Variants in GORASP1 observed in about 807,000 individuals in gnomAD.
The protein encoded by GORASP1 is Golgi reassembly-stacking protein 1.
In GORASP1, 31 loss-of-function variants were observed where a neutral mutation model predicts 37.7. The ratio of observed to expected loss-of-function variants is 0.82; its 90% CI spans 0.62 to 1.11. The LOEUF (loss-of-function observed/expected upper bound fraction) is 1.11. Ranked by LOEUF, GORASP1 falls within the 50% of genes least tolerant of loss-of-function variation. GORASP1 has a pLI of 0.00. For synonymous variants in GORASP1, 204 were observed against 224.8 expected, an observed-to-expected ratio of 0.91 and a Z score of 0.83; for missense variants, 476 against 560.7, an observed-to-expected ratio of 0.85 and a Z score of 1.53.
chr3:39,099,266 C>T (rs1404733950), intron 7 of GORASP1, 87 bp downstream of exon 7: 1 of 1,451,798 alleles, frequency 6.9e-7, no homozygotes, highest in Non-Finnish European at 9.7e-7. Flanking sequence ...TATGAGGGGT[C>T]AGCAAGGCCT....
Position 39,102,958 on chromosome 3 carries a change from T to G in GORASP1, c.145-77A>C. ...CCCTCAGACAAGTCTGGGCCTGAGA[T>G]GGGGCAAGGGCCTTAGTGGGCAGCA... On this transcript the variant is annotated intron_variant, in intron 2 of 8. Transcript: ENST00000319283. The surrounding 1 kb of genome is among the most constrained non-coding windows in gnomAD (Gnocchi z 5.0). The G allele has an allele frequency of 7.3e-7, 1 of 1,373,414 alleles. No individual in the cohort carries two copies. Among genetic ancestry groups the G allele is most frequent in the Non-Finnish European group, 1.0e-6 (1 of 961,232 alleles). 85.1% of individuals were successfully genotyped at this position (1,373,414 alleles called of 1,614,324 possible).
chr3:39,100,645 G>C lies in GORASP1; in HGVS notation c.566+102C>G. Reference sequence around the variant, plus strand: ...GTCAGCCTCAGGATCCCTGGGCCCAGGGCCCAACCCTCCTCCATCTCCACC... The same window carrying C: ...GTCAGCCTCAGGATCCCTGGGCCCACGGCCCAACCCTCCTCCATCTCCACC... On this transcript the variant is annotated intron_variant, in intron 5 of 8. Coordinates refer to ENST00000319283, the MANE Select transcript of GORASP1 (RefSeq NM_031899.4). The surrounding 1 kb of genome is among the most constrained non-coding windows in gnomAD (Gnocchi z 4.6). The C allele has an allele frequency of 6.6e-7, 1 of 1,518,314 alleles. No homozygotes were observed. 94.1% of individuals were successfully genotyped at this position (1,518,314 alleles called of 1,614,324 possible). A position where few individuals can be genotyped will look rare whatever the true frequency, so the allele number is the denominator to read the frequency against.
At chr3:39,099,027 C>T (rs1052098689) in intron 7 of GORASP1, 134 bp from the exon 8 acceptor site, 58 of 1,145,426 alleles carry the variant, frequency 5.1e-5, no homozygotes, top group Admixed American at 4.9e-4. Context: ...GGTGATACCC[C>T]TCACCCAACC....
intron 1 of GORASP1, among the ~76,000 whole-genome samples, chr3:39,106,249 A>G (rs1442544461): frequency 6.6e-6 from 1 of 152,146 alleles, no homozygotes; most frequent in East Asian, 1.9e-4. Flanking sequence ...TGTTTTTGTG[A>G]CTGACAACCT....
chr3:39,107,620 G>T lies in GORASP1; in HGVS notation c.-79C>A. The T allele has an allele frequency of 7.4e-7, 1 of 1,358,520 alleles. No homozygotes were observed. The highest frequency in any genetic ancestry group is 9.9e-7 in the Non-Finnish European group (1 of 1,005,618). The allele number at this position is 1,358,520 out of a possible 1,614,324, so 84.2% of individuals were successfully genotyped here. Reference sequence around the variant, plus strand: ...GACCCGACGCCAGTAGCACCGACTCGCTCTCTCGGCGCTCGATTCCTGCGC... The same window carrying T: ...GACCCGACGCCAGTAGCACCGACTCTCTCTCTCGGCGCTCGATTCCTGCGC... On this transcript the variant is annotated 5_prime_UTR_variant, in exon 1 of 9. Coordinates refer to ENST00000319283, the MANE Select transcript of GORASP1 (RefSeq NM_031899.4).
chr3:39,101,215 C>T, intron 3 of GORASP1, 113 bp from the exon 4 acceptor site: 1 of 892,346 alleles, frequency 1.1e-6, no homozygotes, highest in Non-Finnish European at 1.8e-6. Flanking sequence ...TGTCCTCTAT[C>T]CCTAAGCAGG....
Position 39,105,237 on chromosome 3 carries a change from C to T in GORASP1, c.64-1684G>A, listed in dbSNP as rs2035968490. Among the ~76,000 whole-genome samples the T allele has an allele frequency of 6.6e-6, 1 of 152,036 alleles. No individual in the cohort carries two copies. Among genetic ancestry groups the T allele is most frequent in the Non-Finnish European group, 1.5e-5 (1 of 68,004 alleles). ...CTATGCTGCTGCCCACTGTACGGCT[C>T]CCCCTGCAGAAACCACTGCCTGCCA... On this transcript the variant is annotated intron_variant, in intron 1 of 8. Transcript: ENST00000319283. The surrounding 1 kb of genome is among the most constrained non-coding windows in gnomAD (Gnocchi z 5.4).
chr3:39,103,022 T>G lies in GORASP1; in HGVS notation c.145-141A>C. ...TCACTGTGGGGATGGGCCAAGGTAG[T>G]GGATGGGCCAGGTTCACAGACCAGG... On this transcript the variant is annotated intron_variant, in intron 2 of 8. Coordinates refer to ENST00000319283, the MANE Select transcript of GORASP1 (RefSeq NM_031899.4). This position sits in a 1 kb window ranked among gnomAD's most constrained non-coding sequence, Gnocchi z 5.2. The G allele has an allele frequency of 1.3e-6, 1 of 784,700 alleles. No individual in the cohort carries two copies. The highest frequency in any genetic ancestry group is 1.7e-5 in the African/African-American group (1 of 59,440). 48.6% of individuals were successfully genotyped at this position (784,700 alleles called of 1,614,324 possible).
intron 3 of GORASP1, chr3:39,101,488 T>A (rs530737785): frequency 2.1e-6 from 1 of 468,140 alleles, no homozygotes; most frequent in African/African-American, 2.0e-5. Flanking sequence ...TAAATAAATA[T>A]ATGAAAAGAA....
chr3:39,097,952 C>T lies in GORASP1; in HGVS notation c.*284G>A. 1 of 460,178 alleles carries T rather than the reference C, an allele frequency of 2.2e-6. No homozygotes were observed. 28.5% of individuals were successfully genotyped at this position (460,178 alleles called of 1,614,324 possible). ...TCAAAGCGACCAGGCCAACACTGGA[C>T]AGCAACCCCTTCCTTCCTCACCTCA... On this transcript the variant is annotated 3_prime_UTR_variant, in exon 9 of 9. Coordinates refer to ENST00000319283, the MANE Select transcript of GORASP1 (RefSeq NM_031899.4).
intron 7 of GORASP1, 25 bp downstream of exon 7, chr3:39,099,328 C>T (rs2035547947): frequency 1.2e-6 from 2 of 1,612,064 alleles, no homozygotes; most frequent in Non-Finnish European, 8.5e-7. Flanking sequence ...CTGGGGCCCA[C>T]TCCTCTCCAG....
At chr3:39,101,503 A>C in intron 3 of GORASP1, 1 of 461,450 alleles carries the variant, frequency 2.2e-6, no homozygotes, top group Non-Finnish European at 4.3e-6. Flanking sequence ...AAAGAAGAAA[A>C]GCACACCTTG....
chr3:39,098,102 C>G lies in GORASP1; in HGVS notation c.*134G>C. On this transcript the variant is annotated 3_prime_UTR_variant, in exon 9 of 9. Coordinates refer to ENST00000319283, the MANE Select transcript of GORASP1 (RefSeq NM_031899.4). This position sits in a 1 kb window ranked among gnomAD's most constrained non-coding sequence, Gnocchi z 4.7. ...TATCCTCCCACAAGGCCCATGGCCC[C>G]CTCTCACCACCCACTGAGGCCTCAT... 2 of 1,066,224 alleles carry G rather than the reference C, an allele frequency of 1.9e-6. No homozygotes were observed. Among genetic ancestry groups the G allele is most frequent in the Non-Finnish European group, 2.7e-6 (2 of 737,962 alleles). 66.0% of individuals were successfully genotyped at this position (1,066,224 alleles called of 1,614,324 possible).
At position 39,100,285 on chromosome 3, in the gene GORASP1, G is replaced by T. The variant is rs2035610924; in HGVS notation, c.765+20C>A. On this transcript the variant is annotated intron_variant, in intron 6 of 8. Coordinates refer to ENST00000319283, the MANE Select transcript of GORASP1 (RefSeq NM_031899.4). The surrounding 1 kb of genome is among the most constrained non-coding windows in gnomAD (Gnocchi z 4.6). Reference sequence around the variant, plus strand: ...TCTAGAGTTTTCTGTCTTCCCAGTTGGCAGATTCTCCCCACATACCTCCAT... The same window carrying T: ...TCTAGAGTTTTCTGTCTTCCCAGTTTGCAGATTCTCCCCACATACCTCCAT... The T allele has an allele frequency of 1.2e-6, 2 of 1,609,392 alleles. No homozygotes were observed. Among genetic ancestry groups the T allele is most frequent in the Non-Finnish European group, 1.7e-6 (2 of 1,175,796 alleles).
Position 39,105,286 on chromosome 3 carries a change from T to A in GORASP1, c.64-1733A>T, listed in dbSNP as rs1279301240. Among the ~76,000 whole-genome samples, 1 of 151,986 alleles carries A rather than the reference T, an allele frequency of 6.6e-6. No homozygotes were observed. The highest frequency in any genetic ancestry group is 1.5e-5 in the Non-Finnish European group (1 of 67,964). On this transcript the variant is annotated intron_variant, in intron 1 of 8. Coordinates refer to ENST00000319283, the MANE Select transcript of GORASP1 (RefSeq NM_031899.4). The surrounding 1 kb of genome is among the most constrained non-coding windows in gnomAD (Gnocchi z 5.4). ...CATCCAGCTCCCTCAGGGGCTCCCA[T>A]CACAGCCTGCCCCAAGGCCCTATAG...
chr3:39,102,375 T>G lies in GORASP1; in HGVS notation c.348+303A>C. On this transcript the variant is annotated intron_variant, in intron 3 of 8. Coordinates refer to ENST00000319283, the MANE Select transcript of GORASP1 (RefSeq NM_031899.4). This position sits in a 1 kb window ranked among gnomAD's most constrained non-coding sequence, Gnocchi z 5.0. ...AATAAAAGCAGCAGCATTCCAGCAGTCCAACCACCATTCCAGTAGATGATA... is the reference window on the plus strand; with the variant it reads ...AATAAAAGCAGCAGCATTCCAGCAGGCCAACCACCATTCCAGTAGATGATA... 2.0e-6 allele frequency: 1 copy of G among 508,888 alleles called. No homozygotes were observed. The allele number at this position is 508,888 out of a possible 1,614,324, so 31.5% of individuals were successfully genotyped here.
Position 39,100,508 on chromosome 3 carries a change from C to T in GORASP1, c.567-5G>A, listed in dbSNP as rs115727365. 5.1e-4 allele frequency: 785 copies of T among 1,554,370 alleles called. 4 individuals are homozygous for T. The African/African-American group carries it at 8.3e-3, about 16-fold the overall frequency. On this transcript the variant is annotated splice_region_variant and splice_polypyrimidine_tract_variant and intron_variant, in intron 5 of 8. Transcript: ENST00000319283. The surrounding 1 kb of genome is among the most constrained non-coding windows in gnomAD (Gnocchi z 4.6). ...TAGCCAATGCCACATCCCAGACTGC[C>T]GAAGGCCAGAAACATTCAATCCAGG...
chr3:39,101,596 A>G (rs1030259280), intron 3 of GORASP1: 1 of 456,326 alleles, frequency 2.2e-6, no homozygotes, highest in African/African-American at 2.0e-5. Flanking sequence ...GAGGGCAATG[A>G]GCAAAACTGG....
rs1432404636 is a variant in GORASP1 at position 39,100,610 on chromosome 3, T to C, written c.567-107A>G. On this transcript the variant is annotated intron_variant, in intron 5 of 8. Transcript: ENST00000319283. The surrounding 1 kb of genome is among the most constrained non-coding windows in gnomAD (Gnocchi z 4.6). Reference sequence around the variant, plus strand: ...ATAAGGGGGCTGAAAAGGGTACTTCTGAAATACCGGTCAGCCTCAGGATCC... The same window carrying C: ...ATAAGGGGGCTGAAAAGGGTACTTCCGAAATACCGGTCAGCCTCAGGATCC... 3 of 1,475,612 alleles carry C rather than the reference T, an allele frequency of 2.0e-6. No individual in the cohort carries two copies. The highest frequency in any genetic ancestry group is 4.3e-5 in the Admixed American group (2 of 46,258). 91.4% of individuals were successfully genotyped at this position (1,475,612 alleles called of 1,614,324 possible). A position where few individuals can be genotyped will look rare whatever the true frequency, so the allele number is the denominator to read the frequency against.
Sources: allele counts gnomAD v4.1 joint callset (sites outside exome capture counted in the v4.1 genomes callset), GRCh38; gene constraint gnomAD v4.1.1; non-coding constraint Gnocchi (gnomAD v3.1); transcripts MANE v1.5; gene names NCBI Gene and HGNC (gene_info 2026-07-23, HGNC 2026-07-21).